The following PRKCA variants were observed in gnomAD, a reference collection of about 807,000 sequenced individuals.
PRKCA encodes protein kinase C alpha.
Under a neutral mutation model 87.0 loss-of-function variants are expected in PRKCA, and 27 were observed. The ratio of observed to expected loss-of-function variants is 0.31; its 90% CI spans 0.23 to 0.43. The LOEUF (loss-of-function observed/expected upper bound fraction) is 0.43, where lower values mean the gene tolerates loss of function less well. PRKCA is among the 20% of genes least tolerant of loss of function. The pLI is 1.00. For synonymous variants in PRKCA, 329 were observed against 311.1 expected (o/e 1.06, Z -0.61); for missense variants, 518 against 852.3 (o/e 0.61, Z 4.88).
intron 3 of PRKCA, among the ~76,000 whole-genome samples, chr17:66,507,172 G>T (rs1300843495): frequency 2.0e-5 from 3 of 152,208 alleles, no homozygotes; most frequent in Non-Finnish European, 2.9e-5. Context: ...CTTATCCTTA[G>T]TGGGAAGTCA....
intron 5 of PRKCA, 90 bp downstream of exon 5, chr17:66,645,601 A>C: frequency 1.3e-6 from 2 of 1,561,282 alleles, no homozygotes; most frequent in South Asian, 1.2e-5. Context: ...GCTGGGCTGG[A>C]TGCCCTGAGG....
At chr17:66,439,614 G>A (rs945089759) in intron 2 of PRKCA, among the ~76,000 whole-genome samples, 16 of 152,214 alleles carry the variant, frequency 1.1e-4, no homozygotes, top group Admixed American at 5.2e-4. Flanking sequence ...AGGGCTCCTC[G>A]TTGTCCTCTG....
chr17:66,316,969 C>T (rs1293488396), intron 2 of PRKCA, among the ~76,000 whole-genome samples: 11 of 152,084 alleles, frequency 7.2e-5, no homozygotes, highest in South Asian at 2.1e-4. Context: ...GGTGAAACCC[C>T]GTCTCTACTA....
chr17:66,412,996 A>G (rs1039437772), intron 2 of PRKCA, among the ~76,000 whole-genome samples: 1 of 152,046 alleles, frequency 6.6e-6, no homozygotes, highest in Non-Finnish European at 1.5e-5. Context: ...CAACACACAC[A>G]CCAAGCAATT....
At chr17:66,365,114 C>A (rs1908623759) in intron 2 of PRKCA, among the ~76,000 whole-genome samples, 1 of 152,186 alleles carries the variant, frequency 6.6e-6, no homozygotes, top group Admixed American at 6.5e-5. Flanking sequence ...TTTATCTTTG[C>A]ATCTTGAAGT....
intron 2 of PRKCA, among the ~76,000 whole-genome samples, chr17:66,322,964 C>T (rs1235829195): frequency 2.0e-5 from 3 of 152,172 alleles, no homozygotes; most frequent in Non-Finnish European, 4.4e-5. Flanking sequence ...CTCATCCCTC[C>T]CACCAAAGTA....
At chr17:66,491,396 AG>A (rs1280088195) in intron 2 of PRKCA, among the ~76,000 whole-genome samples, 2 of 152,192 alleles carry the variant, frequency 1.3e-5, no homozygotes, top group African/African-American at 4.8e-5. Context: ...TTAAGGGCCA[AG>A]GGGGGCCCCC....
intron 2 of PRKCA, among the ~76,000 whole-genome samples, chr17:66,314,330 A>C (rs1279982039): frequency 6.6e-6 from 1 of 152,176 alleles, no homozygotes; most frequent in Non-Finnish European, 1.5e-5. Context: ...TCTCATGCTA[A>C]ACTTAAGGCA....
intron 4 of PRKCA, among the ~76,000 whole-genome samples, chr17:66,642,254 C>G (rs891083892): frequency 6.6e-6 from 1 of 151,948 alleles, no homozygotes; most frequent in Admixed American, 6.6e-5. Context: ...CTCAGCCTCC[C>G]GAGTAGCTGG....
chr17:66,405,802 T>C (rs76679604), intron 2 of PRKCA, among the ~76,000 whole-genome samples: 1 of 152,204 alleles, frequency 6.6e-6, no homozygotes, highest in South Asian at 2.1e-4. Flanking sequence ...GTGCTCTTCA[T>C]TGGCAATTTT....
intron 16 of PRKCA, among the ~76,000 whole-genome samples, chr17:66,802,563 T>C (rs1407426084): frequency 6.6e-6 from 1 of 150,868 alleles, no homozygotes; most frequent in Non-Finnish European, 1.5e-5. Context: ...GCACACCTCC[T>C]AGAAGATAAA....
At chr17:66,408,037 G>A (rs77961694) in intron 2 of PRKCA, among the ~76,000 whole-genome samples, 1,709 of 152,272 alleles carry the variant, frequency 0.011, 27 homozygotes, top group African/African-American at 0.039. Flanking sequence ...CCTCCATGGA[G>A]GTTATGCTCA....
At chr17:66,346,175 C>T (rs777524167) in intron 2 of PRKCA, among the ~76,000 whole-genome samples, 9 of 151,300 alleles carry the variant, frequency 5.9e-5, no homozygotes, top group Non-Finnish European at 1.0e-4. Flanking sequence ...CAGCTCACTG[C>T]AACTTCCACC....
intron 5 of PRKCA, among the ~76,000 whole-genome samples, chr17:66,655,386 G>A (rs1423663023): frequency 6.6e-6 from 1 of 152,108 alleles, no homozygotes; most frequent in Non-Finnish European, 1.5e-5. Context: ...CTTCCCCACT[G>A]TGGCAGGCAA....
At chr17:66,411,820 C>G (rs1015240978) in intron 2 of PRKCA, among the ~76,000 whole-genome samples, 1 of 146,528 alleles carries the variant, frequency 6.8e-6, no homozygotes, top group African/African-American at 2.5e-5. Context: ...TCATTAAACC[C>G]TGACTGTGCT....
intron 15 of PRKCA, among the ~76,000 whole-genome samples, chr17:66,787,939 T>C (rs1484140990): frequency 6.6e-6 from 1 of 152,244 alleles, no homozygotes; most frequent in Non-Finnish European, 1.5e-5. Flanking sequence ...TCCTTATCCA[T>C]TCTACTTCTG....
chr17:66,342,988 C>T (rs1003698036), intron 2 of PRKCA, among the ~76,000 whole-genome samples: 5 of 152,016 alleles, frequency 3.3e-5, no homozygotes, highest in South Asian at 4.1e-4. Context: ...TTTATTTTTA[C>T]ATTTGTCTTT....
intron 3 of PRKCA, among the ~76,000 whole-genome samples, chr17:66,634,033 T>C (rs561820378): frequency 7.3e-6 from 1 of 137,528 alleles, no homozygotes; most frequent in East Asian, 2.2e-4. Flanking sequence ...TTTTAACATA[T>C]TGCAAATGAT....
intron 2 of PRKCA, among the ~76,000 whole-genome samples, chr17:66,488,805 T>C (rs532937389): frequency 6.6e-6 from 1 of 152,364 alleles, no homozygotes; most frequent in Admixed American, 6.5e-5. Flanking sequence ...CTTTATAATA[T>C]GTGATAGAGT....
Sources: allele counts gnomAD v4.1 joint callset (sites outside exome capture counted in the v4.1 genomes callset), GRCh38; gene constraint gnomAD v4.1.1; transcripts MANE v1.5; gene names NCBI Gene and HGNC (gene_info 2026-07-23, HGNC 2026-07-21).